PCNP: variants seen among roughly 807,000 people sequenced by gnomAD.
PCNP encodes PEST proteolytic signal-containing nuclear protein.
In PCNP, 6 loss-of-function variants were observed where a neutral mutation model predicts 21.8. The ratio of observed to expected loss-of-function variants is 0.28; its 90% CI spans 0.15 to 0.54. The LOEUF (loss-of-function observed/expected upper bound fraction) is 0.54. Among genes scored for constraint, PCNP ranks in the 20% least tolerant of loss-of-function variants. The probability of loss-of-function intolerance (pLI) is 0.95; values close to 1 mark genes in which losing one functional copy is unlikely to be tolerated. For missense variants in PCNP, 161 were observed against 215.5 expected (o/e 0.75, Z 1.58); for synonymous variants, 67 against 73.2 (o/e 0.92, Z 0.43).
At chr3:101,590,695 C>G (rs925779380) in intron 4 of PCNP, among the ~76,000 whole-genome samples, 1 of 151,688 alleles carries the variant, frequency 6.6e-6, no homozygotes, top group Non-Finnish European at 1.5e-5. Flanking sequence ...CAGGCATATG[C>G]CATGACACCC....
chr3:101,576,822 A>C (rs770282059), intron 1 of PCNP: 7 of 1,609,786 alleles, frequency 4.3e-6, no homozygotes, highest in South Asian at 1.1e-5. Context: ...TCAACACCAC[A>C]TGAGCATATC....
chr3:101,576,270 C>G (rs559411893), intron 1 of PCNP, among the ~76,000 whole-genome samples: 3 of 138,740 alleles, frequency 2.2e-5, no homozygotes, highest in Non-Finnish European at 4.6e-5. Context: ...AGATGGAGCT[C>G]TGTCGCCAGG....
At chr3:101,574,904 C>T (rs1934780900) in intron 1 of PCNP, 2 of 152,414 alleles carry the variant, frequency 1.3e-5, no homozygotes, top group South Asian at 4.1e-4. Flanking sequence ...TGCCTGCCCT[C>T]TGGTTTAAGC....
chr3:101,582,297 AC>A (rs1276957906), intron 2 of PCNP, among the ~76,000 whole-genome samples: 1 of 152,138 alleles, frequency 6.6e-6, no homozygotes, highest in African/African-American at 2.4e-5. Flanking sequence ...TACTAAAAAT[AC>A]AAAAATTAGC....
intron 4 of PCNP, among the ~76,000 whole-genome samples, chr3:101,591,766 GTTTT>G (rs149888934): frequency 0.015 from 1,578 of 102,292 alleles, 28 homozygotes; most frequent in African/African-American, 0.054. Flanking sequence ...TGATTTTGGT[GTTTT>G]TTTTTTTTTT....
rs750066890 is a variant in PCNP, at chr3:101,592,722, A to G, written c.506A>G (p.His169Arg). The change falls in exon 5 of 5, where the codon CAT becomes CGT. Residue 169 changes from histidine to arginine, a missense_variant. His to Arg is a conservative substitution (Grantham distance 29). Transcript: ENST00000265260. ...CTGTGGGAGCGAAATATAAAATCTC[A>G]TCTTGGAAATGTCCATGACCAAGAC... The part of the protein sequence containing the change: ...QKLWERNIKS[H>R]LGNVHDQDN 2.5e-6 allele frequency: 4 copies of G among 1,605,718 alleles called. No homozygotes were observed. The highest frequency in any genetic ancestry group is 1.1e-5 in the South Asian group (1 of 90,800).
At chr3:101,576,436 T>C in intron 1 of PCNP, 1 of 1,289,610 alleles carries the variant, frequency 7.8e-7, no homozygotes, top group Non-Finnish European at 1.0e-6. Context: ...TTTTTATTTT[T>C]TATTTTTTTC....
rs1179361296 is a variant in PCNP, at chr3:101,591,946, A to AT, written c.411-675dup. The stretch of plus-strand genomic sequence containing the variant: ...ACCAGCACACCTGACTGATTTTTAA[A>AT]TTTTTTGTCGAGACAGGGTCTCACC... On this transcript the variant is annotated intron_variant, in intron 4 of 4. Transcript: ENST00000265260. Among the ~76,000 whole-genome samples the AT allele has an allele frequency of 6.6e-5, 10 of 151,054 alleles. No homozygotes were observed. The East Asian group carries it at 1.9e-3, about 29-fold the overall frequency.
chr3:101,575,733 G>A (rs1227684977), intron 1 of PCNP, among the ~76,000 whole-genome samples: 1 of 152,156 alleles, frequency 6.6e-6, no homozygotes, highest in African/African-American at 2.4e-5. Flanking sequence ...GGTAGCAGAC[G>A]TGTTTAATGT....
chr3:101,592,847 C>CTT lies in PCNP; in HGVS notation c.*102_*103dup. On this transcript the variant is annotated 3_prime_UTR_variant, in exon 5 of 5. Coordinates refer to ENST00000265260, the MANE Select transcript of PCNP (RefSeq NM_020357.3). ...TGGTATAAGACTATCTTTGGAGCCG[C>CTT]TTTTTTTTTCTTTTTCATTTTTTTA... is the stretch of plus-strand genomic sequence containing the variant. The CTT allele has an allele frequency of 1.9e-6, 2 of 1,026,780 alleles. No individual in the cohort carries two copies. Among genetic ancestry groups the CTT allele is most frequent in the Non-Finnish European group, 2.7e-6 (2 of 749,142 alleles). The allele number at this position is 1,026,780 out of a possible 1,614,324, so 63.6% of individuals were successfully genotyped here.
chr3:101,579,913 C>T lies in PCNP; in HGVS notation c.188C>T (p.Thr63Ile), dbSNP rs950417021. Residue 63 changes from threonine to isoleucine, a missense_variant, in exon 2 of 5, where the codon ACA becomes ATA. Thr to Ile is a moderately conservative substitution (Grantham distance 89, BLOSUM62 -1). Coordinates refer to ENST00000265260, the MANE Select transcript of PCNP (RefSeq NM_020357.3). ...SAEEEAADLP[T>I]KPTKISKFGF... The stretch of plus-strand genomic sequence containing the variant: ...GAAGAAGAAGCTGCCGACCTCCCAA[C>T]AAAGCCTACAAAGATCTCCAAGTTT... 1 of 1,613,960 alleles carries T rather than the reference C, an allele frequency of 6.2e-7. No individual in the cohort carries two copies. Among genetic ancestry groups the T allele is most frequent in the African/African-American group, 1.3e-5 (1 of 74,936 alleles).
chr3:101,588,853 A>G (rs1474896584), intron 3 of PCNP, among the ~76,000 whole-genome samples: 3 of 152,240 alleles, frequency 2.0e-5, no homozygotes, highest in African/African-American at 7.2e-5. Flanking sequence ...AGCACATGCT[A>G]TCAATATGCC....
chr3:101,579,900 G>A lies in PCNP; in HGVS notation c.175G>A (p.Ala59Thr), dbSNP rs1935135480. The A allele has an allele frequency of 4.3e-6, 7 of 1,614,044 alleles. No homozygotes were observed. The highest frequency in any genetic ancestry group is 2.7e-5 in the African/African-American group (2 of 75,054). ...GAAGCGATCAGCTGAAGAAGAAGCT[G>A]CCGACCTCCCAACAAAGCCTACAAA... ...AEKRSAEEEA[A>T]DLPTKPTKIS... The change falls in exon 2 of 5, where the codon GCC (alanine) becomes ACC (threonine). Residue 59 changes from alanine to threonine, a missense_variant. Coordinates refer to ENST00000265260, the MANE Select transcript of PCNP (RefSeq NM_020357.3).
At position 101,589,885 on chromosome 3, in the gene PCNP, T is replaced by C. The variant is rs868858835; in HGVS notation, c.355-330T>C. ...TGCAAAATATGAATGATGATAATCATACCTCCCTCATGCGATTATGTTAGG... is the reference window on the plus strand; with the variant it reads ...TGCAAAATATGAATGATGATAATCACACCTCCCTCATGCGATTATGTTAGG... On this transcript the variant is annotated intron_variant, in intron 3 of 4. Coordinates refer to ENST00000265260, the MANE Select transcript of PCNP (RefSeq NM_020357.3). 3.8e-5 allele frequency: 9 copies of C among 236,758 alleles called. No individual in the cohort carries two copies. The South Asian group carries it at 5.9e-4, about 15-fold the overall frequency. 14.7% of individuals were successfully genotyped at this position (236,758 alleles called of 1,614,324 possible). A position where few individuals can be genotyped will look rare whatever the true frequency, so the allele number is the denominator to read the frequency against.
intron 1 of PCNP, among the ~76,000 whole-genome samples, chr3:101,577,309 C>T (rs544249663): frequency 2.6e-4 from 39 of 152,170 alleles, no homozygotes; most frequent in African/African-American, 8.9e-4. Flanking sequence ...TAATCATGGC[C>T]ATCTCAAGCT....
At position 101,574,249 on chromosome 3, in the gene PCNP, G is replaced by A. The variant is rs1471734317; in HGVS notation, c.34G>A (p.Glu12Lys). The stretch of plus-strand genomic sequence containing the variant: ...CGGGAAGGCGGGAGACGAGAAGCCT[G>A]AAAAGTCGCAGCGAGCTGGAGCCGC... ...ADGKAGDEKP[E>K]KSQRAGAAGG... The change falls in exon 1 of 5, where the codon GAA becomes AAA. Residue 12 changes from glutamate to lysine, a missense_variant. Coordinates refer to ENST00000265260, the MANE Select transcript of PCNP (RefSeq NM_020357.3). 6.5e-7 allele frequency: 1 copy of A among 1,549,422 alleles called. No individual in the cohort carries two copies. The highest frequency in any genetic ancestry group is 1.4e-5 in the African/African-American group (1 of 72,934).
intron 3 of PCNP, chr3:101,590,000 C>CA (rs1449729828): frequency 3.6e-5 from 18 of 499,246 alleles, no homozygotes; most frequent in African/African-American, 1.2e-4. Flanking sequence ...GTTTTTTCAG[C>CA]AGTTTTTTTT....
intron 4 of PCNP, among the ~76,000 whole-genome samples, chr3:101,591,378 TTTCTTA>T (rs142086515): frequency 0.14 from 21,565 of 152,102 alleles, 1,577 homozygotes; most frequent in South Asian, 0.2. Flanking sequence ...TCTTTTTCCT[TTTCTTA>T]TTTAACTACC....
At chr3:101,578,052 T>C (rs1935021887) in intron 1 of PCNP, among the ~76,000 whole-genome samples, 1 of 152,256 alleles carries the variant, frequency 6.6e-6, no homozygotes, top group Non-Finnish European at 1.5e-5. Flanking sequence ...ATGTTCTAAA[T>C]TGATAAGTTA....
Sources: gnomAD v4.1 joint callset for allele counts (sites outside exome capture counted in the v4.1 genomes callset) on GRCh38, gnomAD v4.1.1 for gene constraint, MANE v1.5 for transcripts, NCBI Gene and HGNC (gene_info 2026-07-23, HGNC 2026-07-21) for gene names.